Variants in ADGB observed in about 807,000 individuals in gnomAD.
The protein encoded by ADGB is androglobin, also known as calpain-7-like protein.
Under a neutral mutation model 210.5 loss-of-function variants are expected in ADGB, and 172 were observed. The ratio of observed to expected loss-of-function variants is 0.82; its 90% CI spans 0.72 to 0.93. The LOEUF (loss-of-function observed/expected upper bound fraction) is 0.93. Ranked by LOEUF, ADGB falls within the 40% of genes least tolerant of loss-of-function variation. The pLI, the probability that ADGB is intolerant of heterozygous loss-of-function variation, is 0.00. For missense variants in ADGB, 2,025 were observed against 1,964.8 expected, an observed-to-expected ratio of 1.03 and a Z score of -0.58; for synonymous variants, 658 against 662.7, an observed-to-expected ratio of 0.99 and a Z score of 0.11.
At chr6:146,610,602 A>C (rs1332470359) in intron 1 of ADGB, among the ~76,000 whole-genome samples, 1 of 152,142 alleles carries the variant, frequency 6.6e-6, no homozygotes, top group African/African-American at 2.4e-5. Flanking sequence ...GGATGATTTC[A>C]GGGGGACATG....
At chr6:146,784,415 C>T (rs1231582148) in intron 30 of ADGB, among the ~76,000 whole-genome samples, 3 of 152,082 alleles carry the variant, frequency 2.0e-5, no homozygotes, top group African/African-American at 7.2e-5. Flanking sequence ...ATCCATTCCT[C>T]GATTGATAGA....
At chr6:146,785,839 A>G (rs1206021319) in intron 32 of ADGB, 127 bp downstream of exon 32, 2 of 705,692 alleles carry the variant, frequency 2.8e-6, no homozygotes, top group Non-Finnish European at 2.3e-6. Context: ...CTTGAGGATT[A>G]TAAAAAGTCG....
chr6:146,701,531 C>T (rs949173321), intron 13 of ADGB, among the ~76,000 whole-genome samples: 2 of 151,962 alleles, frequency 1.3e-5, no homozygotes, highest in African/African-American at 4.8e-5. Flanking sequence ...ACTATTCTTG[C>T]TTTTTGTTTC....
At chr6:146,734,732 A>T (rs1449663018) in intron 22 of ADGB, among the ~76,000 whole-genome samples, 1 of 152,112 alleles carries the variant, frequency 6.6e-6, no homozygotes, top group Admixed American at 6.6e-5. Context: ...CAACATGGGG[A>T]AACCATGTCT....
chr6:146,756,787 T>G lies in ADGB; in HGVS notation c.3550+4073T>G, dbSNP rs539048994. Among the ~76,000 whole-genome samples, 4 of 151,784 alleles carry G rather than the reference T, an allele frequency of 2.6e-5. 1 individual carries two copies. The highest frequency in any genetic ancestry group is 9.6e-5 in the African/African-American group (4 of 41,468). ...GAGTCTCACTCTGTCACCCAGGCTG[T>G]AGTGATCTCAGATCACTGCAACCTC... On this transcript the variant is annotated intron_variant, in intron 27 of 35. Transcript: ENST00000397944.
intron 20 of ADGB, 123 bp from the exon 21 acceptor site, chr6:146,732,997 G>C (rs1777017428): frequency 1.4e-6 from 1 of 705,190 alleles, no homozygotes. Flanking sequence ...TCTTCTGTTA[G>C]GTTGCGTGTA....
intron 27 of ADGB, among the ~76,000 whole-genome samples, chr6:146,761,862 G>A (rs952126844): frequency 6.6e-6 from 1 of 152,124 alleles, no homozygotes; most frequent in Non-Finnish European, 1.5e-5. Flanking sequence ...GCCACTGAAA[G>A]CTCTAGGAGA....
chr6:146,763,814 G>A, intron 27 of ADGB, 87 bp from the exon 28 acceptor site: 1 of 1,188,828 alleles, frequency 8.4e-7, no homozygotes, highest in East Asian at 2.6e-5. Context: ...TCCTTTGAGT[G>A]TTTTATAAAG....
At chr6:146,732,069 C>G (rs2114585435) in intron 20 of ADGB, among the ~76,000 whole-genome samples, 1 of 152,272 alleles carries the variant, frequency 6.6e-6, no homozygotes, top group Non-Finnish European at 1.5e-5. Context: ...TGTGTCATTG[C>G]AATCTACCAG....
At chr6:146,608,133 G>A (rs888837162) in intron 1 of ADGB, among the ~76,000 whole-genome samples, 1 of 151,986 alleles carries the variant, frequency 6.6e-6, no homozygotes, top group African/African-American at 2.4e-5. Context: ...TTGGTAGGTT[G>A]TATGTTTCCA....
intron 1 of ADGB, among the ~76,000 whole-genome samples, chr6:146,608,896 G>A (rs1400008183): frequency 1.3e-5 from 2 of 152,168 alleles, no homozygotes; most frequent in Non-Finnish European, 2.9e-5. Flanking sequence ...ATTCGGTCAT[G>A]TGTTGAGTTT....
At chr6:146,785,852 C>G in intron 32 of ADGB, 140 bp downstream of exon 32, 1 of 644,706 alleles carries the variant, frequency 1.6e-6, no homozygotes, top group Non-Finnish European at 2.7e-6. Flanking sequence ...AAAAGTCGCA[C>G]AATTTCAGAT....
At chr6:146,744,984 G>C (rs949803316) in intron 25 of ADGB, among the ~76,000 whole-genome samples, 1 of 152,032 alleles carries the variant, frequency 6.6e-6, no homozygotes, top group African/African-American at 2.4e-5. Context: ...CAGTAAAAAT[G>C]CTTTATTATA....
At chr6:146,775,467 A>T (rs1181645171) in intron 29 of ADGB, among the ~76,000 whole-genome samples, 2 of 152,180 alleles carry the variant, frequency 1.3e-5, no homozygotes, top group Non-Finnish European at 2.9e-5. Context: ...TGGTCACTTA[A>T]GAAAATAGAA....
chr6:146,630,097 C>A (rs1781037957), intron 1 of ADGB, among the ~76,000 whole-genome samples: 1 of 151,478 alleles, frequency 6.6e-6, no homozygotes, highest in African/African-American at 2.4e-5. Context: ...ATTAGCTGGG[C>A]ATGGTGGCAG....
rs146310008 is a variant in ADGB at position 146,722,019 on chromosome 6, T to C, written c.2095+514T>C. Among the ~76,000 whole-genome samples, 10 of 152,180 alleles carry C rather than the reference T, an allele frequency of 6.6e-5. No individual in the cohort carries two copies. The East Asian group carries it at 1.9e-3, about 30-fold the overall frequency. On this transcript the variant is annotated intron_variant, in intron 17 of 35. Transcript: ENST00000397944. ...CCACCTGCACCTCTTCTGGTTGTACTATCTGTTCACCTTTTTGGTGTACTC... is the reference window on the plus strand; with the variant it reads ...CCACCTGCACCTCTTCTGGTTGTACCATCTGTTCACCTTTTTGGTGTACTC...
intron 3 of ADGB, among the ~76,000 whole-genome samples, chr6:146,649,538 T>A (rs1484156015): frequency 6.6e-6 from 1 of 151,748 alleles, no homozygotes; most frequent in African/African-American, 2.4e-5. Context: ...TTGCCCAGGC[T>A]GGAGTTCAGT....
intron 28 of ADGB, among the ~76,000 whole-genome samples, chr6:146,764,645 C>A (rs1476494575): frequency 4.6e-5 from 7 of 151,988 alleles, no homozygotes; most frequent in African/African-American, 1.7e-4. Context: ...CCAAATAGAT[C>A]AAATTAATCA....
At chr6:146,681,993 G>C (rs537256688) in intron 9 of ADGB, among the ~76,000 whole-genome samples, 1 of 152,178 alleles carries the variant, frequency 6.6e-6, no homozygotes, top group South Asian at 2.1e-4. Context: ...TTATTTCATA[G>C]GGTTTATGTG....
Sources: gnomAD v4.1 joint callset for allele counts (sites outside exome capture counted in the v4.1 genomes callset) on GRCh38, gnomAD v4.1.1 for gene constraint, MANE v1.5 for transcripts, NCBI Gene and HGNC (gene_info 2026-07-23, HGNC 2026-07-21) for gene names.